The following PRKN variants were observed in gnomAD, a reference collection of about 807,000 sequenced individuals.
PRKN encodes the protein E3 ubiquitin-protein ligase parkin.
Under a neutral mutation model 59.5 loss-of-function variants are expected in PRKN, and 56 were observed. The ratio of observed to expected loss-of-function variants is 0.94; its 90% CI spans 0.76 to 1.18. The LOEUF (loss-of-function observed/expected upper bound fraction) is 1.18, where lower values mean the gene tolerates loss of function less well. Ranked by LOEUF, PRKN falls within the 50% of genes most tolerant of loss-of-function variation. PRKN has a pLI of 0.00. For synonymous variants in PRKN, 250 were observed against 222.1 expected (o/e 1.13, Z -1.12); for missense variants, 657 against 596.4 (o/e 1.10, Z -1.06).
In PRKN at chr6:161,538,077, T is replaced by C. The variant is rs2223769; in HGVS notation, c.1083+10777A>G. Among the ~76,000 whole-genome samples, 6,506 of 152,256 alleles carry C rather than the reference T, an allele frequency of 0.043. 188 individuals carry two copies. Among genetic ancestry groups the C allele is most frequent in the African/African-American group, 0.063 (2,600 of 41,550 alleles). On this transcript the variant is annotated intron_variant, in intron 9 of 11. Coordinates refer to ENST00000366898, the MANE Select transcript of PRKN (RefSeq NM_004562.3). The surrounding 1 kb of genome is among the most constrained non-coding windows in gnomAD (Gnocchi z 4.2). ...GAAGGAGAGTAACAGGCAACTTTGA[T>C]TGGATAAAGAAACAGGCATTCTTGG...
intron 6 of PRKN, among the ~76,000 whole-genome samples, chr6:161,821,087 TTA>T (rs1353193514): frequency 6.6e-6 from 1 of 152,110 alleles, no homozygotes; most frequent in Admixed American, 6.5e-5. Context: ...ACTATGTGTA[TTA>T]TATGTTTTCA....
intron 2 of PRKN, among the ~76,000 whole-genome samples, chr6:162,278,506 G>A (rs1023420589): frequency 6.6e-6 from 1 of 152,136 alleles, no homozygotes; most frequent in Non-Finnish European, 1.5e-5. Flanking sequence ...GGTGGGGGAT[G>A]TTGATAATGG....
chr6:162,339,884 T>C (rs540031738), intron 2 of PRKN, among the ~76,000 whole-genome samples: 2 of 149,314 alleles, frequency 1.3e-5, no homozygotes, highest in East Asian at 2.0e-4. Flanking sequence ...CACTCAGGGT[T>C]GAATGGATTA....
chr6:162,262,557 C>T lies in PRKN; in HGVS notation c.380G>A (p.Ser127Asn), dbSNP rs373443322. 6 of 1,614,022 alleles carry T rather than the reference C, an allele frequency of 3.7e-6. No homozygotes were observed. Among genetic ancestry groups the T allele is most frequent in the Non-Finnish European group, 5.1e-6 (6 of 1,179,984 alleles). Reference sequence around the variant, plus strand: ...TCCAGCTGGTGGTGAGTCCTTCCTGCTGTCAGTGTGCAGAATGACAGCCAG... The same window carrying T: ...TCCAGCTGGTGGTGAGTCCTTCCTGTTGTCAGTGTGCAGAATGACAGCCAG... ...VGLAVILHTD[S>N]RKDSPPAGSP... The change falls in exon 3 of 12, where the codon AGC (serine) becomes AAC (asparagine). Residue 127 changes from serine to asparagine, a missense_variant. By Grantham distance (46) the Ser-to-Asn change is conservative. Transcript: ENST00000366898.
chr6:162,058,104 T>C (rs1174459878), intron 4 of PRKN, among the ~76,000 whole-genome samples: 1 of 152,228 alleles, frequency 6.6e-6, no homozygotes, highest in East Asian at 1.9e-4. Context: ...TTTCTCTCTT[T>C]TTTAGACAAT....
chr6:162,191,596 C>A (rs1033567884), intron 4 of PRKN, among the ~76,000 whole-genome samples: 2 of 152,136 alleles, frequency 1.3e-5, no homozygotes, highest in Admixed American at 6.6e-5. Context: ...GCACATGCCA[C>A]CACAGCCAGC....
At position 161,552,680 on chromosome 6, in the gene PRKN, C is replaced by G. The variant is rs1338109846; in HGVS notation, c.934-3677G>C. Among the ~76,000 whole-genome samples the G allele has an allele frequency of 6.6e-6, 1 of 152,026 alleles. No individual in the cohort carries two copies. The highest frequency in any genetic ancestry group is 2.4e-5 in the African/African-American group (1 of 41,380). On this transcript the variant is annotated intron_variant, in intron 8 of 11. Coordinates refer to ENST00000366898, the MANE Select transcript of PRKN (RefSeq NM_004562.3). The surrounding 1 kb of genome is among the most constrained non-coding windows in gnomAD (Gnocchi z 4.9). ...AAGTGACCAACTTTTTAAACACTAC[C>G]CAGGCCAAGACACAGAACTTTACCA... is the stretch of plus-strand genomic sequence containing the variant.
At position 161,852,086 on chromosome 6, in the gene PRKN, C is replaced by CAAA. The variant is rs33977899; in HGVS notation, c.735-66181_735-66179dup. Among the ~76,000 whole-genome samples, 1,103 of 121,528 alleles carry CAAA rather than the reference C, an allele frequency of 9.1e-3. 19 individuals are homozygous for CAAA. The highest frequency in any genetic ancestry group is 0.029 in the African/African-American group (930 of 32,106). 79.7% of individuals were successfully genotyped at this position (121,528 alleles called of 152,430 possible). Reference sequence around the variant, plus strand: ...TGGGTGACAGAGCAGGACTCCGTCTCAAAAAAAAAAAAAAAATTAATTGTT... The same window carrying CAAA: ...TGGGTGACAGAGCAGGACTCCGTCTCAAAAAAAAAAAAAAAAAAATTAATTGTT... On this transcript the variant is annotated intron_variant, in intron 6 of 11. Coordinates refer to ENST00000366898, the MANE Select transcript of PRKN (RefSeq NM_004562.3).
intron 5 of PRKN, among the ~76,000 whole-genome samples, chr6:161,988,714 C>T (rs187537585): frequency 6.6e-6 from 1 of 152,048 alleles, no homozygotes; most frequent in East Asian, 1.9e-4. Flanking sequence ...ACAGTGAGGA[C>T]ATCAATATAT....
At chr6:161,798,607 C>T (rs188042482) in intron 6 of PRKN, among the ~76,000 whole-genome samples, 71 of 152,276 alleles carry the variant, frequency 4.7e-4, no homozygotes, top group Non-Finnish European at 3.4e-4. Context: ...AATGCATATG[C>T]TGCAAGCAAG....
At chr6:162,188,054 TA>T (rs1042693924) in intron 4 of PRKN, among the ~76,000 whole-genome samples, 12 of 152,258 alleles carry the variant, frequency 7.9e-5, no homozygotes, top group Admixed American at 3.9e-4. Flanking sequence ...CTGATCATTT[TA>T]AAAAGAGGAG....
At chr6:161,718,731 T>C (rs1406436861) in intron 7 of PRKN, among the ~76,000 whole-genome samples, 1 of 152,132 alleles carries the variant, frequency 6.6e-6, no homozygotes, top group East Asian at 1.9e-4. Context: ...TTATTAGATA[T>C]TGTAAATATC....
At chr6:161,521,001 G>A (rs997620500) in intron 9 of PRKN, among the ~76,000 whole-genome samples, 25 of 152,232 alleles carry the variant, frequency 1.6e-4, no homozygotes, top group South Asian at 1.0e-3. Flanking sequence ...TCATTATTAC[G>A]AATAAACTCA....
At chr6:162,007,399 G>A (rs1478192552) in intron 5 of PRKN, among the ~76,000 whole-genome samples, 1 of 152,148 alleles carries the variant, frequency 6.6e-6, no homozygotes, top group African/African-American at 2.4e-5. Context: ...AATCAAAACT[G>A]TTGAAAAAAC....
intron 4 of PRKN, among the ~76,000 whole-genome samples, chr6:162,132,137 T>C (rs1332284040): frequency 6.6e-6 from 1 of 152,172 alleles, no homozygotes. Flanking sequence ...GAACATCATA[T>C]GCAGTGGGAA....
At chr6:161,838,862 C>G (rs1792867998) in intron 6 of PRKN, among the ~76,000 whole-genome samples, 1 of 152,150 alleles carries the variant, frequency 6.6e-6, no homozygotes, top group Non-Finnish European at 1.5e-5. Context: ...AGTTATAGGT[C>G]AAGGTAAGTG....
intron 4 of PRKN, among the ~76,000 whole-genome samples, chr6:162,171,094 G>A (rs1388033165): frequency 5.3e-5 from 8 of 151,942 alleles, no homozygotes; most frequent in African/African-American, 1.5e-4. Context: ...CTGGGATACT[G>A]CGGTTGAATA....
chr6:161,827,597 C>T (rs575895004), intron 6 of PRKN, among the ~76,000 whole-genome samples: 3 of 148,068 alleles, frequency 2.0e-5, no homozygotes, highest in African/African-American at 5.0e-5. Context: ...GAAACCTCTG[C>T]CTCTGGTTCA....
intron 6 of PRKN, among the ~76,000 whole-genome samples, chr6:161,904,045 G>C (rs1249035891): frequency 6.6e-6 from 1 of 151,946 alleles, no homozygotes; most frequent in Non-Finnish European, 1.5e-5. Flanking sequence ...CACACCCCAT[G>C]GAATGATGAG....
Sources: gnomAD v4.1 joint callset for allele counts (sites outside exome capture counted in the v4.1 genomes callset) on GRCh38, gnomAD v4.1.1 for gene constraint, Gnocchi (gnomAD v3.1) non-coding constraint, MANE v1.5 for transcripts, NCBI Gene and HGNC (gene_info 2026-07-23, HGNC 2026-07-21) for gene names.